The following CLCN1 variants were observed in gnomAD, a reference collection of about 807,000 sequenced individuals.
CLCN1 encodes the protein chloride channel protein 1.
Under a neutral mutation model 114.5 loss-of-function variants are expected in CLCN1, and 100 were observed. The ratio of observed to expected loss-of-function variants is 0.87; its 90% CI spans 0.74 to 1.03. The LOEUF is 1.03. CLCN1 is among the 50% of genes least tolerant of loss of function. The pLI is 0.00. For missense variants in CLCN1, 1,188 were observed against 1,250.0 expected (o/e 0.95, Z 0.75); for synonymous variants, 485 against 487.1 (o/e 1.00, Z 0.06).
Position 143,331,326 on chromosome 7 carries a change from GT to G in CLCN1, c.1064+12del. The stretch of plus-strand genomic sequence containing the variant: ...CTTTTGCTGCCATCGGGTCAGTGGG[GT>G]TACCTGCTCTGTGTGTGGTGAGCAG... On this transcript the variant is annotated intron_variant, in intron 9 of 22. Transcript: ENST00000343257. 6.3e-7 allele frequency: 1 copy of G among 1,584,896 alleles called. No homozygotes were observed. Among genetic ancestry groups the G allele is most frequent in the Non-Finnish European group, 8.7e-7 (1 of 1,153,396 alleles).
chr7:143,330,174 T>C (rs1402764391), intron 7 of CLCN1, among the ~76,000 whole-genome samples: 1 of 152,198 alleles, frequency 6.6e-6, no homozygotes, highest in Non-Finnish European at 1.5e-5. Flanking sequence ...TTATTATTTG[T>C]ATGACTCCTC....
At position 143,346,266 on chromosome 7, in the gene CLCN1, T is replaced by C. The variant is rs745674642; in HGVS notation, c.2284+15T>C. ...AGAGCCTGCAGGTGACGCTCTTCCC[T>C]CATGCACCCCAACTCACCCCTTGTG... is the stretch of plus-strand genomic sequence containing the variant. On this transcript the variant is annotated intron_variant, in intron 18 of 22. Coordinates refer to ENST00000343257, the MANE Select transcript of CLCN1 (RefSeq NM_000083.3). 7 of 1,544,898 alleles carry C rather than the reference T, an allele frequency of 4.5e-6. No individual in the cohort carries two copies. The highest frequency in any genetic ancestry group is 1.4e-5 in the African/African-American group (1 of 73,288).
Position 143,352,008 on chromosome 7 carries a change from G to A in CLCN1, c.*43G>A, listed in dbSNP as rs1377784190. The stretch of plus-strand genomic sequence containing the variant: ...CTCATAAAGACCGTGGAGAGGCCCA[G>A]CCTGAGGGTGAACTTGTGTGGGGCA... On this transcript the variant is annotated 3_prime_UTR_variant, in exon 23 of 23. Transcript: ENST00000343257. 2 of 1,611,924 alleles carry A rather than the reference G, an allele frequency of 1.2e-6. No individual in the cohort carries two copies. The highest frequency in any genetic ancestry group is 1.3e-5 in the African/African-American group (1 of 74,864).
intron 12 of CLCN1, among the ~76,000 whole-genome samples, chr7:143,338,163 C>T (rs193145888): frequency 6.6e-6 from 1 of 152,200 alleles, no homozygotes; most frequent in African/African-American, 2.4e-5. Context: ...GTACTCTTTG[C>T]CTCAAAATGC....
At chr7:143,328,382 A>C (rs1283847503) in intron 7 of CLCN1, among the ~76,000 whole-genome samples, 2 of 152,130 alleles carry the variant, frequency 1.3e-5, no homozygotes, top group Non-Finnish European at 2.9e-5. Flanking sequence ...AGAAGAGAGC[A>C]ATGTTCCAGA....
At chr7:143,341,867 A>G (rs117799198) in intron 14 of CLCN1, 62 bp from the exon 15 acceptor site, 2 of 1,319,322 alleles carry the variant, frequency 1.5e-6, no homozygotes, top group Non-Finnish European at 2.2e-6. Flanking sequence ...TCCCATCCCC[A>G]TATGTCCTTC....
rs1385164781 is a variant in CLCN1 at position 143,321,991 on chromosome 7, T to C, written c.696+143T>C. On this transcript the variant is annotated intron_variant, in intron 5 of 22. Coordinates refer to ENST00000343257, the MANE Select transcript of CLCN1 (RefSeq NM_000083.3). The surrounding 1 kb of genome is among the most constrained non-coding windows in gnomAD (Gnocchi z 4.2). Reference sequence around the variant, plus strand: ...GCCAGGGGACACTAGGAAGGGGAAATGCTTTGGAAGTTCCTCCAACTGAGG... The same window carrying C: ...GCCAGGGGACACTAGGAAGGGGAAACGCTTTGGAAGTTCCTCCAACTGAGG... 17 of 961,318 alleles carry C rather than the reference T, an allele frequency of 1.8e-5. 1 individual carries two copies. The South Asian group carries it at 2.5e-4, about 14-fold the overall frequency. 59.5% of individuals were successfully genotyped at this position (961,318 alleles called of 1,614,324 possible).
chr7:143,321,569 C>A lies in CLCN1; in HGVS notation c.562+76C>A. On this transcript the variant is annotated intron_variant, in intron 4 of 22. Transcript: ENST00000343257. The surrounding 1 kb of genome is among the most constrained non-coding windows in gnomAD (Gnocchi z 4.2). The stretch of plus-strand genomic sequence containing the variant: ...CCTGTCTGTCTCCCCCATCATCCAG[C>A]CCCACCCACAGCCCTGTGCTGCCTT... 2 of 1,609,470 alleles carry A rather than the reference C, an allele frequency of 1.2e-6. No homozygotes were observed. The highest frequency in any genetic ancestry group is 1.7e-6 in the Non-Finnish European group (2 of 1,176,998).
chr7:143,329,223 C>G (rs1053520859), intron 7 of CLCN1, among the ~76,000 whole-genome samples: 1 of 152,198 alleles, frequency 6.6e-6, no homozygotes, highest in Non-Finnish European at 1.5e-5. Context: ...GCCTCGGCCT[C>G]CCAAAGTGCT....
intron 5 of CLCN1, among the ~76,000 whole-genome samples, chr7:143,322,461 A>C (rs1238870933): frequency 6.6e-6 from 1 of 152,218 alleles, no homozygotes; most frequent in Non-Finnish European, 1.5e-5. Context: ...GATCAGTCTC[A>C]TCTGACCCCT....
At position 143,339,190 on chromosome 7, in the gene CLCN1, A is replaced by C; in HGVS notation, c.1402-63A>C. The C allele has an allele frequency of 3.9e-6, 4 of 1,023,920 alleles. No individual in the cohort carries two copies. The highest frequency in any genetic ancestry group is 4.7e-6 in the Non-Finnish European group (3 of 641,660). 63.4% of individuals were successfully genotyped at this position (1,023,920 alleles called of 1,614,324 possible). ...CAGAAAGGAGGATAGTGGGAAGGGA[A>C]TTGTGTGTGCATGTCTATTGGGCAG... is the stretch of plus-strand genomic sequence containing the variant. On this transcript the variant is annotated intron_variant, in intron 12 of 22. Transcript: ENST00000343257. This position sits in a 1 kb window ranked among gnomAD's most constrained non-coding sequence, Gnocchi z 4.1.
chr7:143,336,768 C>T (rs148568837), intron 12 of CLCN1, among the ~76,000 whole-genome samples: 136 of 152,278 alleles, frequency 8.9e-4, no homozygotes, highest in Non-Finnish European at 1.6e-3. Flanking sequence ...TTGTTAATCT[C>T]ATGTGTCAAC....
In CLCN1 at chr7:143,350,419, T is replaced by C; in HGVS notation, c.2451T>C (p.Asp817=). The C allele has an allele frequency of 1.2e-6, 2 of 1,614,236 alleles. No homozygotes were observed. The highest frequency in any genetic ancestry group is 1.7e-6 in the Non-Finnish European group (2 of 1,180,036). ...QEQLSQPVCF[D]SCCIDQSPFQ... Reference sequence around the variant, plus strand: ...AGCTGAGCCAGCCTGTCTGTTTTGATTCCTGCTGTATTGACCAGTCTCCCT... The same window carrying C: ...AGCTGAGCCAGCCTGTCTGTTTTGACTCCTGCTGTATTGACCAGTCTCCCT... Residue 817 remains aspartate (D), a synonymous_variant, in exon 21 of 23, where the codon GAT becomes GAC. Coordinates refer to ENST00000343257, the MANE Select transcript of CLCN1 (RefSeq NM_000083.3). This position sits in a 1 kb window ranked among gnomAD's most constrained non-coding sequence, Gnocchi z 5.1.
rs775412383 is a variant in CLCN1, at chr7:143,316,288, C to T, written c.76C>T (p.Pro26Ser). The change falls in exon 1 of 23, where the codon CCC (proline) becomes TCC (serine). Residue 26 changes from proline to serine, a missense_variant. Physicochemically the swap from Pro to Ser is moderately conservative, Grantham distance 74. Transcript: ENST00000343257. Reference protein sequence around the residue: ...WGSDPQYQYMPFEHCTSYGLP... With the variant: ...WGSDPQYQYMSFEHCTSYGLP... ...TAGTGACCCCCAGTACCAGTATATG[C>T]CCTTTGAACACTGCACCAGCTACGG... 2.5e-6 allele frequency: 4 copies of T among 1,613,678 alleles called. No individual in the cohort carries two copies. Among genetic ancestry groups the T allele is most frequent in the Admixed American group, 1.7e-5 (1 of 60,024 alleles).
rs1802770283 is a variant in CLCN1 at position 143,332,933 on chromosome 7, A to G, written c.1401+60A>G. On this transcript the variant is annotated intron_variant, in intron 12 of 22. Transcript: ENST00000343257. ...CCATCTGTTTTCAATCTATGAACCC[A>G]GGGTTTGCATAGGGTAGGAAGGGGT... 4 of 1,579,438 alleles carry G rather than the reference A, an allele frequency of 2.5e-6. No homozygotes were observed. The South Asian group carries it at 3.3e-5, about 13-fold the overall frequency.
rs780511123 is a variant in CLCN1 at position 143,321,725 on chromosome 7, C to A, written c.573C>A (p.Ile191=). 6.2e-7 allele frequency: 1 copy of A among 1,614,268 alleles called. No individual in the cohort carries two copies. The highest frequency in any genetic ancestry group is 1.7e-5 in the Admixed American group (1 of 60,032). Reference sequence around the variant, plus strand: ...TTTCAACGCTTTTAGGCTCTGGAATCCCCGAAATGAAGACAATACTTCGTG... The same window carrying A: ...TTTCAACGCTTTTAGGCTCTGGAATACCCGAAATGAAGACAATACTTCGTG... ...LISPQAVGSG[I]PEMKTILRGV... is the part of the protein sequence containing the mutation. Residue 191 remains isoleucine (I), a synonymous_variant, in exon 5 of 23, where the codon ATC becomes ATA. Coordinates refer to ENST00000343257, the MANE Select transcript of CLCN1 (RefSeq NM_000083.3). The surrounding 1 kb of genome is among the most constrained non-coding windows in gnomAD (Gnocchi z 4.2).
chr7:143,334,616 TATTTA>T (rs1356917756), intron 12 of CLCN1, among the ~76,000 whole-genome samples: 1 of 152,178 alleles, frequency 6.6e-6, no homozygotes, highest in Non-Finnish European at 1.5e-5. Context: ...TTTTGCTGTT[TATTTA>T]ATTTAATTTT....
At chr7:143,331,703 A>T in intron 10 of CLCN1, 51 bp downstream of exon 10, 1 of 1,298,062 alleles carries the variant, frequency 7.7e-7, no homozygotes. Flanking sequence ...TGGTTTCTCC[A>T]AGAGTTCCTC....
In CLCN1 at chr7:143,342,767, G is replaced by A. The variant is rs529832794; in HGVS notation, c.1930+262G>A. ...GCAGATCACCTGAGGTCAGGAGTTC[G>A]AGACCAGCCTGACCAACATGGAGAA... On this transcript the variant is annotated intron_variant, in intron 16 of 22. Coordinates refer to ENST00000343257, the MANE Select transcript of CLCN1 (RefSeq NM_000083.3). Among the ~76,000 whole-genome samples the A allele has an allele frequency of 4.6e-5, 7 of 152,174 alleles. No homozygotes were observed. The East Asian group carries it at 7.7e-4, about 17-fold the overall frequency.
Sources: gnomAD v4.1 joint callset for allele counts (sites outside exome capture counted in the v4.1 genomes callset) on GRCh38, gnomAD v4.1.1 for gene constraint, Gnocchi (gnomAD v3.1) non-coding constraint, MANE v1.5 for transcripts, NCBI Gene and HGNC (gene_info 2026-07-23, HGNC 2026-07-21) for gene names.